ADAM10: variants seen among roughly 807,000 people sequenced by gnomAD.
ADAM10 encodes the protein disintegrin and metalloproteinase domain-containing protein 10.
ADAM10 carries 17 observed loss-of-function variants against 90.1 expected under a neutral mutation model. The ratio of observed to expected loss-of-function variants is 0.19; its 90% confidence interval spans 0.13 to 0.28. The LOEUF (loss-of-function observed/expected upper bound fraction) is 0.28, where lower values mean the gene tolerates loss of function less well. ADAM10 is among the 10% of genes least tolerant of loss of function. The pLI is 1.00. For synonymous variants in ADAM10, 310 were observed against 298.6 expected (o/e 1.04, Z -0.40); for missense variants, 610 against 914.3 (o/e 0.67, Z 4.29).
intron 4 of ADAM10, chr15:58,676,094 T>A (rs1025602932): frequency 6.9e-6 from 2 of 288,938 alleles, no homozygotes; most frequent in African/African-American, 4.5e-5. Context: ...GGAGAGAGTT[T>A]GGCTTAAAAC....
intron 2 of ADAM10, among the ~76,000 whole-genome samples, chr15:58,703,497 T>C (rs7183504): frequency 0.26 from 38,861 of 152,008 alleles, 6,053 homozygotes; most frequent in East Asian, 0.52. Flanking sequence ...ATACATACAA[T>C]AGAATATTGT....
At chr15:58,673,903 T>A (rs1897255799) in intron 4 of ADAM10, among the ~76,000 whole-genome samples, 1 of 151,982 alleles carries the variant, frequency 6.6e-6, no homozygotes, top group African/African-American at 2.4e-5. Context: ...CCCGGCTAAC[T>A]TTTTGTATTT....
At chr15:58,711,891 G>A (rs752316566) in intron 2 of ADAM10, among the ~76,000 whole-genome samples, 1 of 152,058 alleles carries the variant, frequency 6.6e-6, no homozygotes. Flanking sequence ...TTGAAACGGT[G>A]TTTCAGAAAA....
intron 10 of ADAM10, among the ~76,000 whole-genome samples, chr15:58,626,670 C>T (rs963845501): frequency 4.6e-5 from 7 of 152,080 alleles, no homozygotes; most frequent in Admixed American, 4.6e-4. Context: ...ACAGATAAAC[C>T]TTGAAAATAT....
At chr15:58,618,876 T>C (rs1275669957) in intron 11 of ADAM10, among the ~76,000 whole-genome samples, 1 of 152,142 alleles carries the variant, frequency 6.6e-6, no homozygotes, top group Non-Finnish European at 1.5e-5. Flanking sequence ...CTGGCAAGGA[T>C]GCAGAGATCA....
chr15:58,626,016 G>A (rs1895933033), intron 10 of ADAM10, among the ~76,000 whole-genome samples: 1 of 152,186 alleles, frequency 6.6e-6, no homozygotes, highest in African/African-American at 2.4e-5. Context: ...AGGGAGGTAA[G>A]CATGGTTATA....
At chr15:58,619,525 CTTGAT>C (rs1408665889) in intron 11 of ADAM10, among the ~76,000 whole-genome samples, 1 of 152,036 alleles carries the variant, frequency 6.6e-6, no homozygotes, top group Non-Finnish European at 1.5e-5. Context: ...TCCTTATTAC[CTTGAT>C]TTGATCATTA....
chr15:58,691,676 CTT>C (rs71116587), intron 2 of ADAM10: 32,527 of 222,684 alleles, frequency 0.15, 272 homozygotes, highest in East Asian at 0.24. Flanking sequence ...ACTTCTTCTT[CTT>C]TTTTTTTTTT....
intron 2 of ADAM10, among the ~76,000 whole-genome samples, chr15:58,705,398 G>A (rs376380357): frequency 3.9e-5 from 6 of 152,252 alleles, no homozygotes; most frequent in African/African-American, 1.4e-4. Flanking sequence ...CATTGGCTAA[G>A]TAGTAAAATT....
rs968410544 is a variant in ADAM10, at chr15:58,595,013, A to G, written c.*2534T>C. 1 of 152,190 alleles carries G rather than the reference A, an allele frequency of 6.6e-6. No individual in the cohort carries two copies. The highest frequency in any genetic ancestry group is 1.5e-5 in the Non-Finnish European group (1 of 68,016). 9.4% of individuals were successfully genotyped at this position (152,190 alleles called of 1,614,324 possible). A position where few individuals can be genotyped will look rare whatever the true frequency, so the allele number is the denominator to read the frequency against. On this transcript the variant is annotated 3_prime_UTR_variant, in exon 16 of 16. Coordinates refer to ENST00000260408, the MANE Select transcript of ADAM10 (RefSeq NM_001110.4). Reference sequence around the variant, plus strand: ...TTCTCTCCTTATTTGCTATGAAGAGAAAAATGATGGCTCAAAATTTTAAAC... The same window carrying G: ...TTCTCTCCTTATTTGCTATGAAGAGGAAAATGATGGCTCAAAATTTTAAAC...
At chr15:58,677,435 A>C (rs184103646) in intron 4 of ADAM10, among the ~76,000 whole-genome samples, 1 of 151,700 alleles carries the variant, frequency 6.6e-6, no homozygotes, top group Non-Finnish European at 1.5e-5. Flanking sequence ...ATCTTTGGGG[A>C]AAAAAAAAGA....
chr15:58,727,174 ATCTTTT>A (rs1899060187), intron 1 of ADAM10, among the ~76,000 whole-genome samples: 1 of 129,110 alleles, frequency 7.7e-6, no homozygotes, highest in African/African-American at 3.1e-5. Context: ...TGCCTGACTA[ATCTTTT>A]TTTTTTTTTT....
In ADAM10 at chr15:58,595,960, T is replaced by C. The variant is rs1186795449; in HGVS notation, c.*1587A>G. On this transcript the variant is annotated 3_prime_UTR_variant, in exon 16 of 16. Coordinates refer to ENST00000260408, the MANE Select transcript of ADAM10 (RefSeq NM_001110.4). ...TCTCTAAATCATGTACAAAAAGCTGTATTTTGAAAAAGTCACCACATACTG... is the reference window on the plus strand; with the variant it reads ...TCTCTAAATCATGTACAAAAAGCTGCATTTTGAAAAAGTCACCACATACTG... 2.0e-5 allele frequency: 3 copies of C among 152,112 alleles called. No individual in the cohort carries two copies. Among genetic ancestry groups the C allele is most frequent in the African/African-American group, 7.2e-5 (3 of 41,438 alleles). The allele number at this position is 152,112 out of a possible 1,614,324, so 9.4% of individuals were successfully genotyped here.
intron 14 of ADAM10, chr15:58,609,465 C>T (rs1895373029): frequency 6.6e-6 from 1 of 152,152 alleles, no homozygotes; most frequent in Admixed American, 6.5e-5. Context: ...TGACATCCCA[C>T]ACAAACAACA....
chr15:58,639,077 C>T (rs888536462), intron 8 of ADAM10, among the ~76,000 whole-genome samples: 7 of 147,530 alleles, frequency 4.7e-5, no homozygotes, highest in African/African-American at 1.5e-4. Context: ...TGCAAAATGG[C>T]AGAAAGTTTT....
intron 1 of ADAM10, chr15:58,748,209 C>T (rs1295093971): frequency 6.6e-6 from 1 of 152,212 alleles, no homozygotes; most frequent in African/African-American, 2.4e-5. Flanking sequence ...CTACGCAGTA[C>T]CACCCTCGGA....
At chr15:58,701,014 C>CAAAAAA (rs1257060994) in intron 2 of ADAM10, among the ~76,000 whole-genome samples, 2 of 44,924 alleles carry the variant, frequency 4.5e-5, no homozygotes, top group Non-Finnish European at 1.2e-4. Flanking sequence ...TAAAAAAAAA[C>CAAAAAA]AAAAAAACAA....
At position 58,599,614 on chromosome 15, in the gene ADAM10, A is replaced by G. The variant is rs1895054691; in HGVS notation, c.2136T>C (p.Pro712=). 6.2e-7 allele frequency: 1 copy of G among 1,613,428 alleles called. No homozygotes were observed. Among genetic ancestry groups the G allele is most frequent in the Admixed American group, 1.7e-5 (1 of 60,004 alleles). ...TATTCTTACCTGGAAGTGGTTTAGGAGGAGGCAACTTTGGATTACTACTTG... is the reference window on the plus strand; with the variant it reads ...TATTCTTACCTGGAAGTGGTTTAGGGGGAGGCAACTTTGGATTACTACTTG... The part of the protein sequence containing the change: ...HTPSSNPKLP[P]PKPLPGTLKR... The change falls in exon 15 of 16, where the codon CCT becomes CCC. Residue 712 remains proline, a synonymous_variant. Coordinates refer to ENST00000260408, the MANE Select transcript of ADAM10 (RefSeq NM_001110.4).
intron 4 of ADAM10, among the ~76,000 whole-genome samples, chr15:58,673,169 G>A (rs943236898): frequency 6.6e-6 from 1 of 152,040 alleles, no homozygotes; most frequent in East Asian, 1.9e-4. Context: ...ACAGACAGAC[G>A]GACAGACAGC....
Sources: allele counts gnomAD v4.1 joint callset (sites outside exome capture counted in the v4.1 genomes callset), GRCh38; gene constraint gnomAD v4.1.1; transcripts MANE v1.5; gene names NCBI Gene and HGNC (gene_info 2026-07-23, HGNC 2026-07-21).